The following UBE2E1 variants were observed in gnomAD, a reference collection of about 807,000 sequenced individuals.
UBE2E1 encodes the protein ubiquitin conjugating enzyme E2 E1.
A neutral mutation model predicts 21.4 loss-of-function variants in UBE2E1; 6 were observed. The observed-to-expected ratio is 0.28, with a 90% CI of 0.15 to 0.55. UBE2E1 has a LOEUF of 0.55. Ranked by LOEUF, UBE2E1 falls within the 20% of genes least tolerant of loss-of-function variation. UBE2E1 has a pLI of 0.93. For synonymous variants in UBE2E1, 87 were observed against 82.7 expected, an observed-to-expected ratio of 1.05 and a Z score of -0.28; for missense variants, 142 against 236.5, an observed-to-expected ratio of 0.60 and a Z score of 2.62.
chr3:23,822,819 C>G (rs1699672023), intron 3 of UBE2E1, among the ~76,000 whole-genome samples: 1 of 146,056 alleles, frequency 6.8e-6, no homozygotes, highest in Non-Finnish European at 1.5e-5. Context: ...TGTTTTTCAT[C>G]CCCTCCCCCA....
intron 3 of UBE2E1, among the ~76,000 whole-genome samples, chr3:23,867,424 ATCATCAACTTT>A (rs1175822212): frequency 6.6e-6 from 1 of 152,250 alleles, no homozygotes; most frequent in African/African-American, 2.4e-5. Context: ...TGGATAAATT[ATCATCAACTTT>A]GTTGAGGTGT....
In UBE2E1 at chr3:23,806,371, C is replaced by A. The variant is rs1196731668; in HGVS notation, c.-34+283C>A. Among the ~76,000 whole-genome samples the A allele has an allele frequency of 1.3e-4, 20 of 151,390 alleles. No homozygotes were observed. Among genetic ancestry groups the A allele is most frequent in the Non-Finnish European group, 2.2e-4 (15 of 67,612 alleles). On this transcript the variant is annotated intron_variant, in intron 1 of 5. Coordinates refer to ENST00000306627, the MANE Select transcript of UBE2E1 (RefSeq NM_003341.5). The surrounding 1 kb of genome is among the most constrained non-coding windows in gnomAD (Gnocchi z 6.5). The stretch of plus-strand genomic sequence containing the variant: ...TGTCAGCGCTGCCCCAAGAGCCCCC[C>A]ACTGGCCACCGAGGGGCCCGGGAGC...
intron 3 of UBE2E1, among the ~76,000 whole-genome samples, chr3:23,830,538 TA>T (rs1228269356): frequency 7.2e-6 from 1 of 138,050 alleles, no homozygotes; most frequent in Non-Finnish European, 1.6e-5. Context: ...TGTGACTCAA[TA>T]TTGGGGTGGG....
intron 3 of UBE2E1, among the ~76,000 whole-genome samples, chr3:23,834,400 C>G (rs947016682): frequency 6.6e-6 from 1 of 152,160 alleles, no homozygotes; most frequent in South Asian, 2.1e-4. Flanking sequence ...TCTAATTGTT[C>G]TACTTGCCCA....
chr3:23,824,085 C>G (rs1699701579), intron 3 of UBE2E1, among the ~76,000 whole-genome samples: 1 of 152,242 alleles, frequency 6.6e-6, no homozygotes, highest in Non-Finnish European at 1.5e-5. Context: ...TCTGCATTCA[C>G]ACTACTGGAT....
In UBE2E1 at chr3:23,890,788, T is replaced by G; in HGVS notation, c.*182T>G. 2.1e-6 allele frequency: 1 copy of G among 482,028 alleles called. No individual in the cohort carries two copies. The highest frequency in any genetic ancestry group is 3.5e-5 in the East Asian group (1 of 28,744). 29.9% of individuals were successfully genotyped at this position (482,028 alleles called of 1,614,324 possible). On this transcript the variant is annotated 3_prime_UTR_variant, in exon 6 of 6. Coordinates refer to ENST00000306627, the MANE Select transcript of UBE2E1 (RefSeq NM_003341.5). ...GGTATCTTGCTACAGTAGACAGAAT[T>G]GGTAATAGCAACTTTTAAAATTGTC...
intron 3 of UBE2E1, among the ~76,000 whole-genome samples, chr3:23,844,976 G>T (rs983717040): frequency 3.9e-5 from 6 of 152,084 alleles, no homozygotes; most frequent in African/African-American, 1.4e-4. Context: ...CAAACACTGA[G>T]GACAAGATGG....
intron 3 of UBE2E1, among the ~76,000 whole-genome samples, chr3:23,882,556 A>T (rs1285852215): frequency 3.9e-5 from 6 of 151,976 alleles, no homozygotes; most frequent in Non-Finnish European, 7.4e-5. Flanking sequence ...TGGGCAGGCG[A>T]TGGGACCGGG....
Position 23,816,537 on chromosome 3 carries a change from T to A in UBE2E1, c.203+5027T>A, listed in dbSNP as rs1332321508. 6.6e-6 allele frequency among the ~76,000 whole-genome samples: 1 copy of A among 152,002 alleles called. No individual in the cohort carries two copies. Among genetic ancestry groups the A allele is most frequent in the Non-Finnish European group, 1.5e-5 (1 of 68,010 alleles). ...GTGGCGAACACAGTGAAACCCCGTC[T>A]CTACTAAAAATACAAAAAAATTAGC... is the stretch of plus-strand genomic sequence containing the variant. On this transcript the variant is annotated intron_variant, in intron 3 of 5. Transcript: ENST00000306627. The surrounding 1 kb of genome is among the most constrained non-coding windows in gnomAD (Gnocchi z 4.8).
At chr3:23,837,159 G>A (rs1252790992) in intron 3 of UBE2E1, among the ~76,000 whole-genome samples, 1 of 152,166 alleles carries the variant, frequency 6.6e-6, no homozygotes, top group Non-Finnish European at 1.5e-5. Flanking sequence ...TAAAGCACTT[G>A]GAACAGTGCC....
At chr3:23,826,120 T>C (rs1003789798) in intron 3 of UBE2E1, among the ~76,000 whole-genome samples, 1 of 152,252 alleles carries the variant, frequency 6.6e-6, no homozygotes, top group African/African-American at 2.4e-5. Context: ...GCAGATACTC[T>C]GTAAAACTTT....
At chr3:23,831,952 C>T (rs555317453) in intron 3 of UBE2E1, among the ~76,000 whole-genome samples, 10 of 152,218 alleles carry the variant, frequency 6.6e-5, no homozygotes, top group East Asian at 1.9e-4. Context: ...CGCCTGCCTC[C>T]GCCTCCGCCT....
chr3:23,846,863 T>C (rs961716487), intron 3 of UBE2E1, among the ~76,000 whole-genome samples: 5 of 152,160 alleles, frequency 3.3e-5, no homozygotes, highest in Non-Finnish European at 7.3e-5. Context: ...GCTAGGTGTT[T>C]AGCTACTTTT....
Position 23,806,148 on chromosome 3 carries a change from A to AC in UBE2E1, c.-34+64dup, listed in dbSNP as rs1699259381. On this transcript the variant is annotated intron_variant, in intron 1 of 5. Transcript: ENST00000306627. This position sits in a 1 kb window ranked among gnomAD's most constrained non-coding sequence, Gnocchi z 6.5. Reference sequence around the variant, plus strand: ...GGCCGCGCCGCCGGGCCTCGGGGACACCCCTCGCCGCCTCCCCCGACTCGC... The same window carrying AC: ...GGCCGCGCCGCCGGGCCTCGGGGACACCCCCTCGCCGCCTCCCCCGACTCGC... The AC allele has an allele frequency of 7.3e-6, 1 of 137,096 alleles. No individual in the cohort carries two copies. The allele number at this position is 137,096 out of a possible 1,614,324, so 8.5% of individuals were successfully genotyped here. A position where few individuals can be genotyped will look rare whatever the true frequency, so the allele number is the denominator to read the frequency against.
At chr3:23,886,220 A>G (rs2125330190) in intron 3 of UBE2E1, among the ~76,000 whole-genome samples, 1 of 152,314 alleles carries the variant, frequency 6.6e-6, no homozygotes, top group East Asian at 1.9e-4. Context: ...AAAAAATAAA[A>G]CAAGTTTTTA....
Position 23,887,740 on chromosome 3 carries a change from C to T in UBE2E1, c.336+41C>T. ...GTATGCTCAAATTTACTAATTCCCA[C>T]AAGAGAGCAACTGTTGAGGTTTTTC... is the stretch of plus-strand genomic sequence containing the variant. On this transcript the variant is annotated intron_variant, in intron 4 of 5. Transcript: ENST00000306627. The surrounding 1 kb of genome is among the most constrained non-coding windows in gnomAD (Gnocchi z 4.4). The T allele has an allele frequency of 6.3e-7, 1 of 1,575,442 alleles. No individual in the cohort carries two copies. The highest frequency in any genetic ancestry group is 8.6e-7 in the Non-Finnish European group (1 of 1,166,940).
At chr3:23,831,831 A>G (rs1414781410) in intron 3 of UBE2E1, among the ~76,000 whole-genome samples, 1 of 151,856 alleles carries the variant, frequency 6.6e-6, no homozygotes, top group Non-Finnish European at 1.5e-5. Context: ...CAAATGCTGG[A>G]ATTACAGGTG....
intron 3 of UBE2E1, among the ~76,000 whole-genome samples, chr3:23,884,247 A>G (rs1037947009): frequency 2.6e-5 from 4 of 152,108 alleles, no homozygotes; most frequent in Non-Finnish European, 4.4e-5. Flanking sequence ...AGAGATAGCA[A>G]TCTTAATTGG....
At chr3:23,862,837 C>T (rs939774406) in intron 3 of UBE2E1, among the ~76,000 whole-genome samples, 1 of 152,076 alleles carries the variant, frequency 6.6e-6, no homozygotes, top group African/African-American at 2.4e-5. Context: ...GCATTTCTCC[C>T]ACCTCAGCCT....
Sources: gnomAD v4.1 joint callset for allele counts (sites outside exome capture counted in the v4.1 genomes callset) on GRCh38, gnomAD v4.1.1 for gene constraint, Gnocchi (gnomAD v3.1) non-coding constraint, MANE v1.5 for transcripts, NCBI Gene and HGNC (gene_info 2026-07-23, HGNC 2026-07-21) for gene names.